NALCN: variants seen among roughly 807,000 people sequenced by gnomAD.
NALCN encodes the protein sodium leak channel NALCN.
NALCN carries 111 observed loss-of-function variants against 225.3 expected under a neutral mutation model. The observed-to-expected ratio is 0.49, with a 90% CI of 0.42 to 0.58. The LOEUF is 0.58. Ranked by LOEUF, NALCN falls within the 20% of genes least tolerant of loss-of-function variation. The pLI is 0.00. For missense variants in NALCN, 1,378 were observed against 2,202.4 expected, an observed-to-expected ratio of 0.63 and a Z score of 7.49; for synonymous variants, 764 against 769.0, an observed-to-expected ratio of 0.99 and a Z score of 0.11.
chr13:101,144,880 G>A lies in NALCN; in HGVS notation c.1856C>T (p.Ala619Val). Residue 619 changes from alanine to valine, a missense_variant, in exon 16 of 44, where the codon GCA becomes GTA. Transcript: ENST00000251127. ...GAGCTTTTCTTTGGTGTCCGCATTTGCTTCACTTTGCTTTAACTAAAGAAA... is the reference window on the plus strand; with the variant it reads ...GAGCTTTTCTTTGGTGTCCGCATTTACTTCACTTTGCTTTAACTAAAGAAA... ...KKLKQLKQSE[A>V]NADTKEKLPL... 6.2e-7 allele frequency: 1 copy of A among 1,608,820 alleles called. No homozygotes were observed. The highest frequency in any genetic ancestry group is 8.5e-7 in the Non-Finnish European group (1 of 1,178,328).
At chr13:101,408,735 A>C (rs1354792190) in intron 1 of NALCN, among the ~76,000 whole-genome samples, 1 of 151,782 alleles carries the variant, frequency 6.6e-6, no homozygotes, top group Non-Finnish European at 1.5e-5. Context: ...CTTTTGGGGT[A>C]CTCATTCATC....
chr13:101,349,487 A>C (rs2045843074), intron 6 of NALCN, among the ~76,000 whole-genome samples: 1 of 152,162 alleles, frequency 6.6e-6, no homozygotes, highest in Non-Finnish European at 1.5e-5. Context: ...GATGATCCTG[A>C]ATTATCCAGG....
At chr13:101,169,430 T>C (rs1487015333) in intron 15 of NALCN, among the ~76,000 whole-genome samples, 1 of 152,260 alleles carries the variant, frequency 6.6e-6, no homozygotes, top group Non-Finnish European at 1.5e-5. Context: ...ACATGTGCCA[T>C]GGTGGTTTGC....
At chr13:101,276,685 T>C (rs2042982537) in intron 10 of NALCN, among the ~76,000 whole-genome samples, 2 of 152,206 alleles carry the variant, frequency 1.3e-5, no homozygotes, top group Admixed American at 6.5e-5. Flanking sequence ...AAAAGATGCC[T>C]ATATTCTCCT....
chr13:101,335,560 C>A (rs1232599538), intron 7 of NALCN, among the ~76,000 whole-genome samples: 2 of 152,052 alleles, frequency 1.3e-5, no homozygotes, highest in Non-Finnish European at 2.9e-5. Flanking sequence ...TTTATCAGAG[C>A]AAACAGAATT....
chr13:101,293,626 A>C (rs895289040), intron 7 of NALCN, among the ~76,000 whole-genome samples: 5 of 152,180 alleles, frequency 3.3e-5, no homozygotes, highest in African/African-American at 9.6e-5. Flanking sequence ...GGAGAGTTGC[A>C]CAGGTTGGGG....
At position 101,089,494 on chromosome 13, in the gene NALCN, G is replaced by A. The variant is rs557047992; in HGVS notation, c.3489+169C>T. On this transcript the variant is annotated intron_variant, in intron 30 of 43. Coordinates refer to ENST00000251127, the MANE Select transcript of NALCN (RefSeq NM_052867.4). This position sits in a 1 kb window ranked among gnomAD's most constrained non-coding sequence, Gnocchi z 4.7. ...AGAGAACTGTACTCTTAAATAATGT[G>A]TCTGAAAAGCAGCAATGAGGGAGCT... Among the ~76,000 whole-genome samples, 6 of 152,302 alleles carry A rather than the reference G, an allele frequency of 3.9e-5. No individual in the cohort carries two copies. The South Asian group carries it at 1.2e-3, about 32-fold the overall frequency.
chr13:101,308,927 T>C (rs2044245989), intron 7 of NALCN, among the ~76,000 whole-genome samples: 3 of 152,104 alleles, frequency 2.0e-5, no homozygotes, highest in Admixed American at 1.3e-4. Flanking sequence ...AAGAATGAAC[T>C]CCACCCATAG....
At chr13:101,131,792 G>A (rs1054372350) in intron 17 of NALCN, among the ~76,000 whole-genome samples, 3 of 152,024 alleles carry the variant, frequency 2.0e-5, no homozygotes, top group Admixed American at 1.3e-4. Context: ...TATGGATTTG[G>A]GGTTTTGATA....
At chr13:101,328,313 AT>A (rs574724421) in intron 7 of NALCN, among the ~76,000 whole-genome samples, 3 of 151,458 alleles carry the variant, frequency 2.0e-5, no homozygotes, top group East Asian at 1.9e-4. Context: ...TGAGTACTGT[AT>A]TTTTTTTTCT....
chr13:101,139,121 T>C (rs2139769067), intron 17 of NALCN, among the ~76,000 whole-genome samples: 1 of 152,322 alleles, frequency 6.6e-6, no homozygotes, highest in South Asian at 2.1e-4. Flanking sequence ...GGTTGTTTTC[T>C]GGGAGAAGGA....
chr13:101,334,493 A>C (rs1462218152), intron 7 of NALCN, among the ~76,000 whole-genome samples: 1 of 80,912 alleles, frequency 1.2e-5, no homozygotes, highest in African/African-American at 7.2e-5. Context: ...ATGGACTGCC[A>C]GTGTTCAGAA....
In NALCN at chr13:101,054,171, T is replaced by A. The variant is rs1025016035; in HGVS notation, c.*1124A>T. ...ATCTAACAGCACTTTGTAATCATTTTGCTTTTCTAATTTTCCCGGAGGACA... is the reference window on the plus strand; with the variant it reads ...ATCTAACAGCACTTTGTAATCATTTAGCTTTTCTAATTTTCCCGGAGGACA... On this transcript the variant is annotated 3_prime_UTR_variant, in exon 44 of 44. Transcript: ENST00000251127. 1 of 152,232 alleles carries A rather than the reference T, an allele frequency of 6.6e-6. No individual in the cohort carries two copies. Among genetic ancestry groups the A allele is most frequent in the Non-Finnish European group, 1.5e-5 (1 of 68,042 alleles). 9.4% of individuals were successfully genotyped at this position (152,232 alleles called of 1,614,324 possible).
In NALCN at chr13:101,065,444, G is replaced by A. The variant is rs147511130; in HGVS notation, c.4564C>T (p.Leu1522Phe). The change falls in exon 40 of 44, where the codon CTC becomes TTC. Residue 1522 changes from leucine to phenylalanine, a missense_variant. Coordinates refer to ENST00000251127, the MANE Select transcript of NALCN (RefSeq NM_052867.4). ...FKHMCYEMER[L>F]HNGGDVTFHD... Reference sequence around the variant, plus strand: ...AAGGTGACGTCGCCGCCATTGTGGAGCCTCTCCATTTCGTAGCACATGTGC... The same window carrying A: ...AAGGTGACGTCGCCGCCATTGTGGAACCTCTCCATTTCGTAGCACATGTGC... 3.1e-6 allele frequency: 5 copies of A among 1,614,170 alleles called. No homozygotes were observed. The highest frequency in any genetic ancestry group is 4.2e-6 in the Non-Finnish European group (5 of 1,180,028).
intron 18 of NALCN, among the ~76,000 whole-genome samples, chr13:101,124,085 C>G (rs1400297457): frequency 6.6e-6 from 1 of 152,186 alleles, no homozygotes; most frequent in Non-Finnish European, 1.5e-5. Flanking sequence ...ATAAAACACT[C>G]AAGTCGGTTG....
Position 101,062,060 on chromosome 13 carries a change from C to T in NALCN, c.4663G>A (p.Ala1555Thr), listed in dbSNP as rs749294207. 3.1e-6 allele frequency: 5 copies of T among 1,614,046 alleles called. No individual in the cohort carries two copies. The East Asian group carries it at 6.7e-5, about 22-fold the overall frequency. The change falls in exon 41 of 44, where the codon GCG becomes ACG. Residue 1555 changes from alanine to threonine, a missense_variant. Transcript: ENST00000251127. ...ATGGTGTACTCCAGCTGCTCCCTCG[C>T]CAGGAGTTCCTCCAGCTGCAAGCTC... ...RKSLQLEELLAREQLEYTIEE... is the reference protein window; with the variant it reads ...RKSLQLEELLTREQLEYTIEE...
chr13:101,234,423 G>A (rs1247985208), intron 12 of NALCN, among the ~76,000 whole-genome samples: 1 of 152,188 alleles, frequency 6.6e-6, no homozygotes, highest in Non-Finnish European at 1.5e-5. Context: ...ATTTAAATGT[G>A]AGAAATATGA....
At chr13:101,218,137 G>T (rs956123490) in intron 13 of NALCN, among the ~76,000 whole-genome samples, 4 of 140,072 alleles carry the variant, frequency 2.9e-5, no homozygotes, top group African/African-American at 5.5e-5. Flanking sequence ...TGATAGAAAA[G>T]GTTTCCTGGT....
At chr13:101,103,067 C>CA in intron 26 of NALCN, 105 bp downstream of exon 26, 1 of 1,398,630 alleles carries the variant, frequency 7.1e-7, no homozygotes, top group East Asian at 2.3e-5. Context: ...TGGCAATAAC[C>CA]AAAACTATTG....
Sources: allele counts gnomAD v4.1 joint callset (sites outside exome capture counted in the v4.1 genomes callset), GRCh38; gene constraint gnomAD v4.1.1; non-coding constraint Gnocchi (gnomAD v3.1); transcripts MANE v1.5; gene names NCBI Gene and HGNC (gene_info 2026-07-23, HGNC 2026-07-21).